Variants in PIBF1 observed in about 807,000 individuals in gnomAD.
PIBF1 encodes progesterone-induced-blocking factor 1.
In PIBF1, 90 loss-of-function variants were observed where a neutral mutation model predicts 112.5. The ratio of observed to expected loss-of-function variants is 0.80; its 90% CI spans 0.67 to 0.95. The LOEUF (loss-of-function observed/expected upper bound fraction) is 0.95. Ranked by LOEUF, PIBF1 falls within the 40% of genes least tolerant of loss-of-function variation. The pLI, the probability that PIBF1 is intolerant of heterozygous loss-of-function variation, is 0.00. For missense variants in PIBF1, 915 were observed against 852.3 expected (o/e 1.07, Z -0.92); for synonymous variants, 301 against 288.6 (o/e 1.04, Z -0.44).
rs766604368 is a variant in PIBF1 at position 72,821,955 on chromosome 13, G to A, written c.779G>A (p.Arg260His). ...TKQLIQQGDY[R>H]QENYDKVKSE... ...CAGTTAATTCAGCAAGGTGACTACCGTCAAGAGAACTATGATAAAGTCAAG... is the reference window on the plus strand; with the variant it reads ...CAGTTAATTCAGCAAGGTGACTACCATCAAGAGAACTATGATAAAGTCAAG... The change falls in exon 6 of 18, where the codon CGT (arginine) becomes CAT (histidine). Residue 260 changes from arginine (R) to histidine (H), a missense_variant. Physicochemically the swap from Arg to His is conservative, Grantham distance 29. Coordinates refer to ENST00000326291, the MANE Select transcript of PIBF1 (RefSeq NM_006346.4). 66 of 1,612,006 alleles carry A rather than the reference G, an allele frequency of 4.1e-5. No homozygotes were observed. Among genetic ancestry groups the A allele is most frequent in the Admixed American group, 8.4e-5 (5 of 59,688 alleles).
At chr13:72,944,835 C>A (rs779657339) in intron 14 of PIBF1, among the ~76,000 whole-genome samples, 1 of 152,028 alleles carries the variant, frequency 6.6e-6, no homozygotes, top group African/African-American at 2.4e-5. Context: ...GGCATAATCT[C>A]GGTTCACTGC....
intron 14 of PIBF1, among the ~76,000 whole-genome samples, chr13:72,963,533 G>A (rs2042660931): frequency 6.6e-6 from 1 of 152,168 alleles, no homozygotes; most frequent in Non-Finnish European, 1.5e-5. Flanking sequence ...GGCGGAGGTT[G>A]CAGTGAGCTG....
chr13:72,916,166 A>T (rs1328533625), intron 12 of PIBF1, among the ~76,000 whole-genome samples: 2 of 152,114 alleles, frequency 1.3e-5, no homozygotes, highest in East Asian at 3.9e-4. Flanking sequence ...AGGCAGGCAG[A>T]TCACCTGAGG....
intron 13 of PIBF1, among the ~76,000 whole-genome samples, chr13:72,930,602 G>A (rs1441114908): frequency 6.6e-6 from 1 of 152,154 alleles, no homozygotes; most frequent in South Asian, 2.1e-4. Flanking sequence ...ATCAGAGGGA[G>A]TGATTTTTTT....
intron 9 of PIBF1, among the ~76,000 whole-genome samples, chr13:72,847,934 AAC>A (rs1247820024): frequency 6.6e-6 from 1 of 152,208 alleles, no homozygotes; most frequent in Non-Finnish European, 1.5e-5. Flanking sequence ...GATAAATTCA[AAC>A]ACTTTTCCTA....
intron 10 of PIBF1, among the ~76,000 whole-genome samples, chr13:72,893,048 A>T (rs1386838685): frequency 6.6e-6 from 1 of 152,202 alleles, no homozygotes; most frequent in Non-Finnish European, 1.5e-5. Context: ...TTTTAATATC[A>T]TACCCAGCAT....
intron 11 of PIBF1, among the ~76,000 whole-genome samples, chr13:72,901,281 A>C (rs1424702847): frequency 6.6e-6 from 1 of 152,218 alleles, no homozygotes; most frequent in Non-Finnish European, 1.5e-5. Flanking sequence ...AAGATATACA[A>C]ATGGCAAGTA....
At chr13:72,976,389 G>A (rs769905146) in intron 16 of PIBF1, among the ~76,000 whole-genome samples, 3 of 152,084 alleles carry the variant, frequency 2.0e-5, no homozygotes, top group Non-Finnish European at 2.9e-5. Context: ...TTAAACACTA[G>A]CAAGATGAAA....
chr13:72,787,307 T>C (rs2034652793), intron 2 of PIBF1, among the ~76,000 whole-genome samples: 1 of 152,248 alleles, frequency 6.6e-6, no homozygotes, highest in Non-Finnish European at 1.5e-5. Context: ...TTTGTCTTTA[T>C]GTGTGAAGCA....
chr13:73,001,582 C>CTTTTTTGTTTTTTTTTTTTTTTTTTTTTT (rs2043868154), intron 17 of PIBF1, among the ~76,000 whole-genome samples: 1 of 29,160 alleles, frequency 3.4e-5, no homozygotes, highest in Non-Finnish European at 7.5e-5. Context: ...AAGAGCTTGA[C>CTTTTTTGTTTTTTTTTTTTTTTTTTTTTT]TTTTTTTTTT....
chr13:72,925,542 C>CTT (rs59074858), intron 13 of PIBF1, among the ~76,000 whole-genome samples: 8,264 of 102,040 alleles, frequency 0.081, 943 homozygotes, highest in African/African-American at 0.24. Flanking sequence ...CTTTCTCTCT[C>CTT]TTTTTTTTTT....
intron 5 of PIBF1, among the ~76,000 whole-genome samples, chr13:72,820,052 T>C (rs932539563): frequency 6.6e-6 from 1 of 152,194 alleles, no homozygotes; most frequent in Non-Finnish European, 1.5e-5. Context: ...ATGATCTCTT[T>C]GGAAGCCAAA....
At chr13:73,014,478 T>A (rs1207016174) in intron 17 of PIBF1, among the ~76,000 whole-genome samples, 1 of 152,204 alleles carries the variant, frequency 6.6e-6, no homozygotes. Flanking sequence ...ATTATGATAC[T>A]ATAATGGTGG....
chr13:72,965,820 A>AT (rs1426051857), intron 15 of PIBF1, among the ~76,000 whole-genome samples: 1 of 152,168 alleles, frequency 6.6e-6, no homozygotes, highest in Non-Finnish European at 1.5e-5. Context: ...ATTTATGTTG[A>AT]TTTTTCCAAG....
chr13:72,817,089 C>T (rs2036308601), intron 5 of PIBF1, among the ~76,000 whole-genome samples: 1 of 152,220 alleles, frequency 6.6e-6, no homozygotes, highest in Admixed American at 6.5e-5. Context: ...TCTTACCATT[C>T]ACTGAACTGC....
chr13:72,783,754 G>A (rs752934652), intron 2 of PIBF1, 33 bp downstream of exon 2: 15 of 1,581,438 alleles, frequency 9.5e-6, no homozygotes, highest in Non-Finnish European at 1.3e-5. Context: ...TGTTCTATAT[G>A]CTTTATTGTC....
intron 2 of PIBF1, among the ~76,000 whole-genome samples, chr13:72,791,086 A>G (rs1366147309): frequency 6.6e-6 from 1 of 151,126 alleles, no homozygotes; most frequent in Admixed American, 6.6e-5. Flanking sequence ...ATGGAGTCTC[A>G]CTCTGTCGCC....
At chr13:72,868,828 TAAAAA>T (rs56290400) in intron 10 of PIBF1, among the ~76,000 whole-genome samples, 11 of 114,264 alleles carry the variant, frequency 9.6e-5, no homozygotes, top group Non-Finnish European at 1.6e-4. Flanking sequence ...TCCCAAAAAG[TAAAAA>T]AAAAAAAAAA....
intron 15 of PIBF1, among the ~76,000 whole-genome samples, 189 bp downstream of exon 15, chr13:72,965,593 T>A (rs537645167): frequency 6.6e-6 from 1 of 152,320 alleles, no homozygotes; most frequent in Non-Finnish European, 1.5e-5. Flanking sequence ...ATTCCACCTG[T>A]GATCAGATGT....
Sources: allele counts gnomAD v4.1 joint callset (sites outside exome capture counted in the v4.1 genomes callset), GRCh38; gene constraint gnomAD v4.1.1; transcripts MANE v1.5; gene names NCBI Gene and HGNC (gene_info 2026-07-23, HGNC 2026-07-21).